The following ARPC2 variants were observed in gnomAD, a reference collection of about 807,000 sequenced individuals.
ARPC2 encodes the protein actin related protein 2/3 complex subunit 2, also known as actin-related protein 2/3 complex subunit 2.
In ARPC2, 4 loss-of-function variants were observed where a neutral mutation model predicts 38.6. The observed-to-expected ratio is 0.10, with a 90% confidence interval of 0.05 to 0.24. The LOEUF is 0.24. Among genes scored for constraint, ARPC2 ranks in the 10% least tolerant of loss-of-function variants. The probability of loss-of-function intolerance (pLI) is 1.00; values close to 1 mark genes in which losing one functional copy is unlikely to be tolerated. For synonymous variants in ARPC2, 125 were observed against 140.8 expected (o/e 0.89, Z 0.79); for missense variants, 229 against 387.3 (o/e 0.59, Z 3.43).
At chr2:218,237,712 G>A (rs1040484279) in intron 5 of ARPC2, among the ~76,000 whole-genome samples, 3 of 151,750 alleles carry the variant, frequency 2.0e-5, no homozygotes, top group Admixed American at 6.6e-5. Flanking sequence ...GATTACAGGC[G>A]CCCGCCACCA....
chr2:218,239,328 C>A, intron 6 of ARPC2, 63 bp from the exon 7 acceptor site: 7 of 1,177,536 alleles, frequency 5.9e-6, no homozygotes, highest in Non-Finnish European at 8.9e-6. Flanking sequence ...ACTTGTAGAT[C>A]AAGTTATTGA....
chr2:218,246,834 G>A (rs758245119), intron 8 of ARPC2, among the ~76,000 whole-genome samples: 7 of 152,094 alleles, frequency 4.6e-5, no homozygotes, highest in Non-Finnish European at 7.4e-5. Flanking sequence ...AGTTGGACAT[G>A]GTGACATGTG....
chr2:218,223,620 A>G (rs928850385), intron 2 of ARPC2, among the ~76,000 whole-genome samples: 8 of 152,128 alleles, frequency 5.3e-5, no homozygotes, highest in Non-Finnish European at 8.8e-5. Context: ...CTTCACACCA[A>G]CCTGGGAGGT....
intron 3 of ARPC2, chr2:218,226,938 A>G (rs1411695863): frequency 2.2e-6 from 1 of 453,792 alleles, no homozygotes; most frequent in Non-Finnish European, 4.4e-6. Context: ...TCAGAGAGAG[A>G]TGTTGCTGCT....
chr2:218,220,692 C>A (rs1437352409), intron 2 of ARPC2, among the ~76,000 whole-genome samples: 1 of 151,228 alleles, frequency 6.6e-6, no homozygotes, highest in Non-Finnish European at 1.5e-5. Flanking sequence ...TATCAGCTTT[C>A]TTTTGGGTAA....
At position 218,239,541 on chromosome 2, in the gene ARPC2, C is replaced by T. The variant is rs1689858670; in HGVS notation, c.549+57C>T. 1.8e-5 allele frequency: 24 copies of T among 1,354,716 alleles called. No individual in the cohort carries two copies. In the South Asian group the frequency reaches 2.2e-4, roughly 13 times the overall value. 83.9% of individuals were successfully genotyped at this position (1,354,716 alleles called of 1,614,324 possible). ...GCATGGCGACTTATACCTTTGCACC[C>T]AAACATACCATGAGCGTAGGAAAGA... On this transcript the variant is annotated intron_variant, in intron 7 of 10. Transcript: ENST00000315717.
Position 218,249,473 on chromosome 2 carries a change from G to A in ARPC2, c.777+9G>A, listed in dbSNP as rs747178241. 4 of 1,574,666 alleles carry A rather than the reference G, an allele frequency of 2.5e-6. No individual in the cohort carries two copies. The highest frequency in any genetic ancestry group is 1.7e-6 in the Non-Finnish European group (2 of 1,152,112). The stretch of plus-strand genomic sequence containing the variant: ...ACATCAAGTGCTCTAAGGTGAGGGG[G>A]GTGCCAGCATCTCAGCCTCTATGCT... On this transcript the variant is annotated intron_variant, in intron 9 of 10. Coordinates refer to ENST00000315717, the MANE Select transcript of ARPC2 (RefSeq NM_152862.3).
chr2:218,253,193 G>A (rs983733058), intron 10 of ARPC2, among the ~76,000 whole-genome samples: 14 of 152,200 alleles, frequency 9.2e-5, no homozygotes, highest in Non-Finnish European at 1.3e-4. Context: ...AAAATCTAGA[G>A]CCCATGTTTT....
intron 4 of ARPC2, among the ~76,000 whole-genome samples, chr2:218,231,421 A>T (rs1689630731): frequency 6.6e-6 from 1 of 152,232 alleles, no homozygotes. Flanking sequence ...AATCTTAGGG[A>T]CTTAGGGATT....
At chr2:218,249,332 C>G in intron 8 of ARPC2, 32 bp from the exon 9 acceptor site, 1 of 1,523,738 alleles carries the variant, frequency 6.6e-7, no homozygotes, top group East Asian at 2.3e-5. Context: ...TGTGTCGTGT[C>G]CTGACGCCTT....
chr2:218,244,588 A>G (rs559849924), intron 7 of ARPC2, among the ~76,000 whole-genome samples: 1 of 152,354 alleles, frequency 6.6e-6, no homozygotes, highest in South Asian at 2.1e-4. Flanking sequence ...ATATCATAGT[A>G]GAGGTTTGTA....
intron 2 of ARPC2, among the ~76,000 whole-genome samples, chr2:218,221,173 T>G (rs1199937667): frequency 6.6e-6 from 1 of 152,148 alleles, no homozygotes; most frequent in East Asian, 1.9e-4. Flanking sequence ...GCTGTTGGAT[T>G]TAAGTGTGTG....
At chr2:218,253,757 G>A (rs752976446) in intron 10 of ARPC2, 134 bp from the exon 11 acceptor site, 10 of 1,117,464 alleles carry the variant, frequency 8.9e-6, no homozygotes, top group African/African-American at 1.6e-5. Flanking sequence ...TGGTTCCAGT[G>A]CCTCTGCTTA....
intron 7 of ARPC2, among the ~76,000 whole-genome samples, chr2:218,243,864 T>TGCTA (rs1186146224): frequency 6.6e-6 from 1 of 152,170 alleles, no homozygotes; most frequent in Non-Finnish European, 1.5e-5. Context: ...AACTAATGAG[T>TGCTA]GCTAATAAGT....
chr2:218,246,835 G>A (rs181866721), intron 8 of ARPC2, among the ~76,000 whole-genome samples: 49 of 152,236 alleles, frequency 3.2e-4, no homozygotes, highest in African/African-American at 1.1e-3. Context: ...GTTGGACATG[G>A]TGACATGTGC....
chr2:218,231,158 A>G (rs570200690), intron 4 of ARPC2, among the ~76,000 whole-genome samples: 5 of 152,194 alleles, frequency 3.3e-5, no homozygotes, highest in Non-Finnish European at 2.9e-5. Flanking sequence ...TTAAAGGTGG[A>G]ATGCCTCTGC....
chr2:218,238,900 A>G lies in ARPC2; in HGVS notation c.455+50A>G, dbSNP rs749308311. On this transcript the variant is annotated intron_variant, in intron 6 of 10. Coordinates refer to ENST00000315717, the MANE Select transcript of ARPC2 (RefSeq NM_152862.3). ...GCCTGGATATGGCTGCTACACCACC[A>G]TGGCACTTACTGAAAGAAATATGGC... The G allele has an allele frequency of 5.7e-6, 8 of 1,393,002 alleles. No homozygotes were observed. In the Admixed American group the frequency reaches 6.1e-5, roughly 11 times the overall value. 86.3% of individuals were successfully genotyped at this position (1,393,002 alleles called of 1,614,324 possible). A position where few individuals can be genotyped will look rare whatever the true frequency, so the allele number is the denominator to read the frequency against.
At chr2:218,244,190 C>A (rs6436047) in intron 7 of ARPC2, among the ~76,000 whole-genome samples, 60,579 of 152,054 alleles carry the variant, frequency 0.4, 12,678 homozygotes, top group Middle Eastern at 0.53. Context: ...CAAAAGGGGA[C>A]TAATCTAACC....
At chr2:218,230,045 A>C (rs995924259) in intron 4 of ARPC2, among the ~76,000 whole-genome samples, 2 of 151,026 alleles carry the variant, frequency 1.3e-5, no homozygotes, top group Admixed American at 6.6e-5. Flanking sequence ...AGCTCAGCTC[A>C]CTGCAACCTC....
Sources: allele counts gnomAD v4.1 joint callset (sites outside exome capture counted in the v4.1 genomes callset), GRCh38; gene constraint gnomAD v4.1.1; transcripts MANE v1.5; gene names NCBI Gene and HGNC (gene_info 2026-07-23, HGNC 2026-07-21).